Variants in IL31RA observed in about 807,000 individuals in gnomAD.
IL31RA encodes interleukin 31 receptor A.
In IL31RA, 66 loss-of-function variants were observed where a neutral mutation model predicts 83.7. That is an observed-to-expected ratio of 0.79 (90% CI 0.65 to 0.97). The LOEUF (loss-of-function observed/expected upper bound fraction) is 0.97. IL31RA is among the 50% of genes least tolerant of loss of function. The pLI, the probability that IL31RA is intolerant of heterozygous loss-of-function variation, is 0.00. For missense variants in IL31RA, 798 were observed against 919.4 expected (o/e 0.87, Z 1.71); for synonymous variants, 325 against 329.0 (o/e 0.99, Z 0.13).
intron 8 of IL31RA, among the ~76,000 whole-genome samples, chr5:55,905,838 A>T (rs991556844): frequency 1.3e-5 from 2 of 152,230 alleles, no homozygotes; most frequent in African/African-American, 4.8e-5. Context: ...CTTTTTAGTC[A>T]TCAACTGTCT....
the IL31RA span, among the ~76,000 whole-genome samples, chr5:55,846,292 C>G: frequency 6.6e-6 from 1 of 152,186 alleles, no homozygotes; most frequent in African/African-American, 2.4e-5. Context: ...GAACCAGAAC[C>G]TGGAAGTCCC....
At chr5:55,860,973 C>T (rs1272646936) in intron 2 of IL31RA, among the ~76,000 whole-genome samples, 1 of 152,186 alleles carries the variant, frequency 6.6e-6, no homozygotes, top group Non-Finnish European at 1.5e-5. Flanking sequence ...GCCCACACAA[C>T]CCTGGTGTCT....
At chr5:55,870,345 C>A (rs1279172706) in intron 3 of IL31RA, among the ~76,000 whole-genome samples, 2 of 152,160 alleles carry the variant, frequency 1.3e-5, no homozygotes, top group Non-Finnish European at 2.9e-5. Context: ...AAGAGATGGG[C>A]TATATTTGAC....
intron 1 of IL31RA, among the ~76,000 whole-genome samples, chr5:55,859,104 T>C (rs1309590023): frequency 6.6e-6 from 1 of 152,188 alleles, no homozygotes; most frequent in Non-Finnish European, 1.5e-5. Context: ...ACTGTGGGCA[T>C]GCATAGAGCA....
rs535377887 is a variant in IL31RA at position 55,899,274 on chromosome 5, G to A, written c.853-642G>A. On this transcript the variant is annotated intron_variant, in intron 7 of 14. Transcript: ENST00000652347. ...AGAAGGGGAAGCCCTATAAATTCTG[G>A]GAAATACTGTCTCCTAGGCAAATGT... Among the ~76,000 whole-genome samples the A allele has an allele frequency of 2.6e-5, 4 of 152,218 alleles. No homozygotes were observed. In the East Asian group the frequency reaches 7.7e-4, roughly 29 times the overall value.
intron 12 of IL31RA, among the ~76,000 whole-genome samples, chr5:55,911,455 G>A (rs571329577): frequency 1.3e-5 from 2 of 152,244 alleles, no homozygotes; most frequent in African/African-American, 2.4e-5. Context: ...CAGGACTACT[G>A]ACCCATAGGA....
At chr5:55,841,774 G>C in the IL31RA span, among the ~76,000 whole-genome samples, 9 of 152,046 alleles carry the variant, frequency 5.9e-5, no homozygotes, top group African/African-American at 1.9e-4. Context: ...GAAAGGGTGT[G>C]TTCTTCATTT....
In IL31RA at chr5:55,906,130, A is replaced by G; in HGVS notation, c.1094A>G (p.Gln365Arg). 1 of 1,613,592 alleles carries G rather than the reference A, an allele frequency of 6.2e-7. No homozygotes were observed. Among genetic ancestry groups the G allele is most frequent in the Non-Finnish European group, 8.5e-7 (1 of 1,179,964 alleles). Residue 365 changes from glutamine (Q) to arginine (R), a missense_variant, in exon 9 of 15, where the codon CAG (glutamine) becomes CGG (arginine). Coordinates refer to ENST00000652347, the MANE Select transcript of IL31RA (RefSeq NM_139017.7). ...GCATTTCAGTGCATTGAGGTCATGC[A>G]GGCCTGCGTTGCTGAGGACCAGCTA... ...EKSFQCIEVM[Q>R]ACVAEDQLVV...
At chr5:55,874,269 T>A (rs1446838369) in intron 4 of IL31RA, among the ~76,000 whole-genome samples, 1 of 152,110 alleles carries the variant, frequency 6.6e-6, no homozygotes, top group Non-Finnish European at 1.5e-5. Flanking sequence ...TGAACTATAT[T>A]TTTGTAATTA....
the IL31RA span, among the ~76,000 whole-genome samples, chr5:55,843,803 A>AG: frequency 6.6e-6 from 1 of 152,146 alleles, no homozygotes; most frequent in East Asian, 1.9e-4. Flanking sequence ...TCTTTTGATT[A>AG]GTGTTAGCAT....
intron 6 of IL31RA, 105 bp from the exon 7 acceptor site, chr5:55,896,245 A>G (rs1483809561): frequency 5.1e-6 from 4 of 786,466 alleles, no homozygotes; most frequent in Non-Finnish European, 9.3e-6. Flanking sequence ...CTTATTCCCA[A>G]TGGCTCCCTC....
intron 9 of IL31RA, among the ~76,000 whole-genome samples, chr5:55,906,982 T>C (rs10070892): frequency 0.071 from 10,728 of 152,130 alleles, 1,293 homozygotes; most frequent in African/African-American, 0.24. Context: ...TGCAGGCAAG[T>C]AGAGGAGATA....
rs985526676 is a variant in IL31RA, at chr5:55,919,043, G to A, written c.*1923G>A. Among the ~76,000 whole-genome samples the A allele has an allele frequency of 1.3e-5, 2 of 152,122 alleles. No individual in the cohort carries two copies. The highest frequency in any genetic ancestry group is 1.5e-5 in the Non-Finnish European group (1 of 68,026). ...TCTCCCTGTTCTCCACCCCTTCTATGGTGTGGGCTCTTCTGTGAGCCCACT... is the reference window on the plus strand; with the variant it reads ...TCTCCCTGTTCTCCACCCCTTCTATAGTGTGGGCTCTTCTGTGAGCCCACT... On this transcript the variant is annotated 3_prime_UTR_variant, in exon 15 of 15. Coordinates refer to ENST00000652347, the MANE Select transcript of IL31RA (RefSeq NM_139017.7).
intron 10 of IL31RA, among the ~76,000 whole-genome samples, chr5:55,907,900 C>A (rs748931005): frequency 2.6e-5 from 4 of 152,214 alleles, no homozygotes; most frequent in Admixed American, 2.6e-4. Context: ...AAGTTCATGT[C>A]TTCCAGATTC....
intron 11 of IL31RA, 32 bp from the exon 12 acceptor site, chr5:55,910,500 T>C (rs949671041): frequency 6.2e-7 from 1 of 1,613,780 alleles, no homozygotes; most frequent in Non-Finnish European, 8.5e-7. Flanking sequence ...CTGGTTTGGC[T>C]GTGGTGTTTG....
chr5:55,885,555 T>A (rs1747540235), intron 5 of IL31RA, among the ~76,000 whole-genome samples: 1 of 152,182 alleles, frequency 6.6e-6, no homozygotes, highest in Non-Finnish European at 1.5e-5. Flanking sequence ...ATTCTCCCAG[T>A]GCACAGGCGG....
intron 4 of IL31RA, among the ~76,000 whole-genome samples, chr5:55,881,226 C>T (rs953894036): frequency 3.3e-5 from 5 of 151,452 alleles, no homozygotes; most frequent in African/African-American, 9.7e-5. Context: ...GGCGTGAACC[C>T]GGAAGGCGGA....
Position 55,900,137 on chromosome 5 carries a change from G to T in IL31RA, c.1069+5G>T. 1.2e-6 allele frequency: 2 copies of T among 1,600,022 alleles called. No homozygotes were observed. The highest frequency in any genetic ancestry group is 1.7e-5 in the Admixed American group (1 of 60,006). On this transcript the variant is annotated splice_donor_5th_base_variant and intron_variant, in intron 8 of 14. Transcript: ENST00000652347. ...TTCCAGCTATTCAAGAAAAATGTAA[G>T]TAGAGCATCAACTTCTTCCTTAGGT...
intron 14 of IL31RA, among the ~76,000 whole-genome samples, chr5:55,916,032 T>C (rs1749760939): frequency 6.6e-6 from 1 of 152,162 alleles, no homozygotes; most frequent in African/African-American, 2.4e-5. Flanking sequence ...TTAACTGGGG[T>C]TTTGTGAACA....
Sources: gnomAD v4.1 joint callset for allele counts (sites outside exome capture counted in the v4.1 genomes callset) on GRCh38, gnomAD v4.1.1 for gene constraint, MANE v1.5 for transcripts, NCBI Gene and HGNC (gene_info 2026-07-23, HGNC 2026-07-21) for gene names.